Variants in RAD54B observed in about 807,000 individuals in gnomAD.
RAD54B encodes the protein RAD54 homolog B.
Under a neutral mutation model 95.8 loss-of-function variants are expected in RAD54B, and 78 were observed. The ratio of observed to expected loss-of-function variants is 0.81; its 90% CI spans 0.68 to 0.98. RAD54B has a LOEUF of 0.98. Among genes scored for constraint, RAD54B ranks in the 50% least tolerant of loss-of-function variants. RAD54B has a pLI of 0.00. For synonymous variants in RAD54B, 328 were observed against 354.9 expected (o/e 0.92, Z 0.85); for missense variants, 957 against 1,056.6 (o/e 0.91, Z 1.31).
chr8:94,448,831 C>G (rs1386408423), intron 3 of RAD54B, among the ~76,000 whole-genome samples: 1 of 151,728 alleles, frequency 6.6e-6, no homozygotes, highest in Non-Finnish European at 1.5e-5. Flanking sequence ...TGGATATGTA[C>G]GATGAACAAG....
chr8:94,425,367 G>GT (rs1811918577), intron 3 of RAD54B, among the ~76,000 whole-genome samples: 1 of 148,700 alleles, frequency 6.7e-6, no homozygotes, highest in Non-Finnish European at 1.5e-5. Flanking sequence ...ATATTCTTTT[G>GT]TTTAACAATT....
At chr8:94,439,506 G>A (rs1812345133) in intron 3 of RAD54B, among the ~76,000 whole-genome samples, 1 of 152,170 alleles carries the variant, frequency 6.6e-6, no homozygotes, top group South Asian at 2.1e-4. Flanking sequence ...TTGATTCTGA[G>A]CCAAATATGA....
intron 4 of RAD54B, among the ~76,000 whole-genome samples, chr8:94,409,351 G>A (rs1229210648): frequency 2.0e-5 from 3 of 151,544 alleles, no homozygotes; most frequent in African/African-American, 7.3e-5. Flanking sequence ...CAGAGTCTGG[G>A]CATCGGCATT....
Position 94,411,205 on chromosome 8 carries a change from T to C in RAD54B, c.415A>G (p.Lys139Glu). Reference protein sequence around the residue: ...VWCKPSKKKHKKWEGDAVLIV... With the variant: ...VWCKPSKKKHEKWEGDAVLIV... ...AGAACAGCATCACCTTCCCACTTTT[T>C]ATGTTTTTTCTTTGAAGGCTTACAC... Residue 139 changes from lysine (K) to glutamate (E), a missense_variant, in exon 4 of 15, where the codon AAA becomes GAA. By Grantham distance (56) the Lys-to-Glu change is moderately conservative. Transcript: ENST00000336148. 1 of 1,611,924 alleles carries C rather than the reference T, an allele frequency of 6.2e-7. No individual in the cohort carries two copies. Among genetic ancestry groups the C allele is most frequent in the Admixed American group, 1.7e-5 (1 of 59,590 alleles).
chr8:94,417,429 A>G (rs190971613), intron 3 of RAD54B, among the ~76,000 whole-genome samples: 1 of 151,792 alleles, frequency 6.6e-6, no homozygotes, highest in Non-Finnish European at 1.5e-5. Context: ...GCTGTTTAAA[A>G]CACACACACA....
At chr8:94,433,432 T>A (rs3136428) in intron 3 of RAD54B, among the ~76,000 whole-genome samples, 1 of 152,004 alleles carries the variant, frequency 6.6e-6, no homozygotes, top group Admixed American at 6.6e-5. Flanking sequence ...TCATTATGTG[T>A]TGAATGACTG....
chr8:94,403,339 C>T (rs1811305680), intron 6 of RAD54B, among the ~76,000 whole-genome samples: 2 of 151,964 alleles, frequency 1.3e-5, no homozygotes. Flanking sequence ...GAAGAAGAAA[C>T]TTTTTTCTAT....
chr8:94,395,755 G>A (rs980579644), intron 8 of RAD54B, among the ~76,000 whole-genome samples: 2 of 152,090 alleles, frequency 1.3e-5, no homozygotes, highest in African/African-American at 4.8e-5. Flanking sequence ...GTTCTCCTTT[G>A]GATATCATCA....
chr8:94,458,095 TAATCC>T (rs1259172955), intron 3 of RAD54B, among the ~76,000 whole-genome samples, 168 bp downstream of exon 3: 6 of 152,192 alleles, frequency 3.9e-5, no homozygotes, highest in African/African-American at 1.4e-4. Context: ...ACACAGTTAT[TAATCC>T]AATCACTAAA....
chr8:94,399,982 C>G (rs1033552755), intron 7 of RAD54B, among the ~76,000 whole-genome samples: 1 of 151,138 alleles, frequency 6.6e-6, no homozygotes, highest in Admixed American at 6.6e-5. Flanking sequence ...TCACGTGGCT[C>G]TACCCTCACG....
In RAD54B at chr8:94,372,355, C is replaced by T. The variant is rs371532293; in HGVS notation, c.2548G>A (p.Asp850Asn). ...TGGTGATGTGGACCAAGCTGACAAT[C>T]TCTAGAGACAATGAATTTTTCCAAC... ...DSLEKFIVSRDCQLGPHHQKS... is the reference protein window; with the variant it reads ...DSLEKFIVSRNCQLGPHHQKS... Residue 850 changes from aspartate to asparagine, a missense_variant, in exon 15 of 15, where the codon GAT (aspartate) becomes AAT (asparagine). Coordinates refer to ENST00000336148, the MANE Select transcript of RAD54B (RefSeq NM_012415.3). 38 of 1,613,186 alleles carry T rather than the reference C, an allele frequency of 2.4e-5. No individual in the cohort carries two copies. The highest frequency in any genetic ancestry group is 3.2e-5 in the Non-Finnish European group (38 of 1,179,818).
intron 3 of RAD54B, chr8:94,428,400 C>T: frequency 4.9e-6 from 4 of 818,190 alleles, no homozygotes; most frequent in Non-Finnish European, 5.9e-6. Flanking sequence ...AGGACACCCC[C>T]TACCCCATCA....
At chr8:94,404,842 A>ATCAC (rs1476102274) in intron 5 of RAD54B, among the ~76,000 whole-genome samples, 1 of 152,044 alleles carries the variant, frequency 6.6e-6, no homozygotes, top group Admixed American at 6.6e-5. Flanking sequence ...GGGACAGAGT[A>ATCAC]TCACTCTGTT....
intron 3 of RAD54B, among the ~76,000 whole-genome samples, chr8:94,445,584 G>C (rs1812503381): frequency 6.6e-6 from 1 of 152,114 alleles, no homozygotes; most frequent in Non-Finnish European, 1.5e-5. Context: ...AAAGTTGTAA[G>C]CAGATAAATA....
At chr8:94,389,814 T>C (rs964068225) in intron 10 of RAD54B, among the ~76,000 whole-genome samples, 1 of 152,232 alleles carries the variant, frequency 6.6e-6, no homozygotes, top group African/African-American at 2.4e-5. Flanking sequence ...CTATAAATTA[T>C]GTACCCTATT....
intron 2 of RAD54B, among the ~76,000 whole-genome samples, chr8:94,462,613 A>G (rs561351477): frequency 2.6e-4 from 39 of 152,264 alleles, no homozygotes; most frequent in Admixed American, 1.3e-3. Flanking sequence ...CTTTCTCACT[A>G]TAGGTTAATT....
chr8:94,422,605 AAAAAAAAAAAAAATAT>A (rs1811835335), intron 3 of RAD54B, among the ~76,000 whole-genome samples: 2 of 98,204 alleles, frequency 2.0e-5, no homozygotes, highest in African/African-American at 5.2e-5. Flanking sequence ...AAAAAAAAAA[AAAAAAAAAAAAAATAT>A]ATATATATAT....
chr8:94,472,856 C>A (rs771558730), intron 1 of RAD54B, among the ~76,000 whole-genome samples: 2 of 152,170 alleles, frequency 1.3e-5, no homozygotes, highest in Non-Finnish European at 2.9e-5. Context: ...ACATCTAATA[C>A]ATGATTTCTG....
chr8:94,429,534 A>G, intron 3 of RAD54B: 1 of 984,478 alleles, frequency 1.0e-6, no homozygotes, highest in African/African-American at 1.7e-5. Context: ...GCATGCTGAA[A>G]CTGTAAAGTG....
Sources: gnomAD v4.1 joint callset for allele counts (sites outside exome capture counted in the v4.1 genomes callset) on GRCh38, gnomAD v4.1.1 for gene constraint, MANE v1.5 for transcripts, NCBI Gene and HGNC (gene_info 2026-07-23, HGNC 2026-07-21) for gene names.